Variants in DCUN1D1 observed in about 807,000 individuals in gnomAD.
DCUN1D1 encodes defective in cullin neddylation 1 domain containing 1, also known as DCN1-like protein 1.
Under a neutral mutation model 39.0 loss-of-function variants are expected in DCUN1D1, and 3 were observed. The ratio of observed to expected loss-of-function variants is 0.08; its 90% CI spans 0.04 to 0.20. The LOEUF is 0.20. Among genes scored for constraint, DCUN1D1 ranks in the 10% least tolerant of loss-of-function variants. The pLI, the probability that DCUN1D1 is intolerant of heterozygous loss-of-function variation, is 1.00. For synonymous variants in DCUN1D1, 82 were observed against 96.3 expected, an observed-to-expected ratio of 0.85 and a Z score of 0.87; for missense variants, 158 against 302.4, an observed-to-expected ratio of 0.52 and a Z score of 3.54.
intron 4 of DCUN1D1, among the ~76,000 whole-genome samples, chr3:182,959,077 A>T (rs562364905): frequency 1.5e-3 from 236 of 152,324 alleles, no homozygotes; most frequent in African/African-American, 5.5e-3. Context: ...ACAGATTATT[A>T]TTTGTGGAAG....
chr3:182,965,121 T>A (rs1487641083), intron 2 of DCUN1D1, among the ~76,000 whole-genome samples: 1 of 152,244 alleles, frequency 6.6e-6, no homozygotes, highest in East Asian at 1.9e-4. Flanking sequence ...TCCACAGCAC[T>A]GGTTACTCAG....
chr3:182,950,066 T>C (rs1425419230), intron 4 of DCUN1D1, among the ~76,000 whole-genome samples: 3 of 152,262 alleles, frequency 2.0e-5, no homozygotes, highest in Non-Finnish European at 4.4e-5. Flanking sequence ...GTCTGTTGAT[T>C]TGCTTTCCCC....
chr3:182,941,993 CTTCA>C lies in DCUN1D1; in HGVS notation c.*3097_*3100del. On this transcript the variant is annotated 3_prime_UTR_variant, in exon 7 of 7. Transcript: ENST00000292782. ...TCATCAAATAAAAAATAAATGAACA[CTTCA>C]TTCATTTAAGTCTGAGGAAAAAATA... 1 of 152,124 alleles carries C rather than the reference CTTCA, an allele frequency of 6.6e-6. No individual in the cohort carries two copies. Among genetic ancestry groups the C allele is most frequent in the East Asian group, 1.9e-4 (1 of 5,174 alleles). The allele number at this position is 152,124 out of a possible 1,614,324, so 9.4% of individuals were successfully genotyped here. A position where few individuals can be genotyped will look rare whatever the true frequency, so the allele number is the denominator to read the frequency against.
rs934622339 is a variant in DCUN1D1, at chr3:182,941,281, G to A, written c.*3813C>T. On this transcript the variant is annotated 3_prime_UTR_variant, in exon 7 of 7. Coordinates refer to ENST00000292782, the MANE Select transcript of DCUN1D1 (RefSeq NM_020640.4). ...CTGGAAAAGGGCATTTGTACTATTAGGAACTTTCTCATTTATCTTAACTAC... is the reference window on the plus strand; with the variant it reads ...CTGGAAAAGGGCATTTGTACTATTAAGAACTTTCTCATTTATCTTAACTAC... 1 of 151,996 alleles carries A rather than the reference G, an allele frequency of 6.6e-6. No homozygotes were observed. The highest frequency in any genetic ancestry group is 2.4e-5 in the African/African-American group (1 of 41,402). The allele number at this position is 151,996 out of a possible 1,614,324, so 9.4% of individuals were successfully genotyped here.
At chr3:182,957,775 G>A (rs1263893400) in intron 4 of DCUN1D1, among the ~76,000 whole-genome samples, 2 of 149,872 alleles carry the variant, frequency 1.3e-5, no homozygotes, top group African/African-American at 4.9e-5. Flanking sequence ...AGCTCCACAA[G>A]AAATTAAAAA....
intron 1 of DCUN1D1, among the ~76,000 whole-genome samples, chr3:182,971,504 T>C (rs564481151): frequency 2.7e-5 from 4 of 149,670 alleles, no homozygotes; most frequent in Non-Finnish European, 3.0e-5. Flanking sequence ...GCCCGGGAGA[T>C]AGAGGCTGCA....
chr3:182,965,758 T>C lies in DCUN1D1; in HGVS notation c.4-5A>G, dbSNP rs778263516. On this transcript the variant is annotated splice_polypyrimidine_tract_variant and splice_region_variant and intron_variant, in intron 1 of 6. Transcript: ENST00000292782. ...CTGCGATGATTTCAACTTGTTCTAT[T>C]GAAACCAGAAAATAAACTGAAACTC... The C allele has an allele frequency of 5.0e-6, 8 of 1,598,498 alleles. No individual in the cohort carries two copies. Among genetic ancestry groups the C allele is most frequent in the Non-Finnish European group, 6.0e-6 (7 of 1,168,800 alleles).
intron 1 of DCUN1D1, among the ~76,000 whole-genome samples, chr3:182,970,712 T>A (rs548255698): frequency 6.6e-6 from 1 of 152,246 alleles, no homozygotes; most frequent in Non-Finnish European, 1.5e-5. Context: ...CTGTATGTTG[T>A]TATGTAATTA....
chr3:182,941,348 G>A lies in DCUN1D1; in HGVS notation c.*3746C>T, dbSNP rs1175106040. ...TCCCTCAGAAATCAAAGATAAAGGT[G>A]TCATGATAAATAACTTCACCACAGT... On this transcript the variant is annotated 3_prime_UTR_variant, in exon 7 of 7. Transcript: ENST00000292782. 3 of 151,980 alleles carry A rather than the reference G, an allele frequency of 2.0e-5. No homozygotes were observed. Among genetic ancestry groups the A allele is most frequent in the Non-Finnish European group, 4.4e-5 (3 of 67,960 alleles). 9.4% of individuals were successfully genotyped at this position (151,980 alleles called of 1,614,324 possible). A position where few individuals can be genotyped will look rare whatever the true frequency, so the allele number is the denominator to read the frequency against.
Position 182,941,816 on chromosome 3 carries a change from T to A in DCUN1D1, c.*3278A>T, listed in dbSNP as rs1726145503. 2 of 152,122 alleles carry A rather than the reference T, an allele frequency of 1.3e-5. No individual in the cohort carries two copies. The allele number at this position is 152,122 out of a possible 1,614,324, so 9.4% of individuals were successfully genotyped here. On this transcript the variant is annotated 3_prime_UTR_variant, in exon 7 of 7. Transcript: ENST00000292782. ...GAATTTCCCCAGCACCACTTTTTTA[T>A]TCCAAAACTCCTTCGATTAGGTTTA...
intron 4 of DCUN1D1, among the ~76,000 whole-genome samples, chr3:182,956,988 AG>A (rs1727107452): frequency 1.3e-5 from 2 of 152,260 alleles, no homozygotes; most frequent in South Asian, 4.1e-4. Context: ...TCCTGTAAGA[AG>A]AATAGTTAAA....
At chr3:182,952,849 A>G (rs920231723) in intron 4 of DCUN1D1, among the ~76,000 whole-genome samples, 5 of 152,206 alleles carry the variant, frequency 3.3e-5, no homozygotes, top group Non-Finnish European at 5.9e-5. Flanking sequence ...TTTCTAACTA[A>G]ATCACTGGGA....
intron 4 of DCUN1D1, chr3:182,956,332 CTG>C (rs1034009492): frequency 2.9e-4 from 72 of 247,224 alleles, no homozygotes; most frequent in South Asian, 2.8e-3. Flanking sequence ...TCACCCCTCA[CTG>C]GGAGCAGGCA....
Position 182,938,411 on chromosome 3 carries a change from T to C in DCUN1D1, c.*6683A>G, listed in dbSNP as rs1725987604. 1 of 151,100 alleles carries C rather than the reference T, an allele frequency of 6.6e-6. No individual in the cohort carries two copies. Among genetic ancestry groups the C allele is most frequent in the Admixed American group, 6.6e-5 (1 of 15,194 alleles). 9.4% of individuals were successfully genotyped at this position (151,100 alleles called of 1,614,324 possible). ...AACACTGCTGGGTAGTTATTAACAC[T>C]AACAAACTGTTAACAGTTAAGTCTA... On this transcript the variant is annotated 3_prime_UTR_variant, in exon 7 of 7. Coordinates refer to ENST00000292782, the MANE Select transcript of DCUN1D1 (RefSeq NM_020640.4).
At chr3:182,954,809 A>C in intron 4 of DCUN1D1, among the ~76,000 whole-genome samples, 1 of 152,204 alleles carries the variant, frequency 6.6e-6, no homozygotes, top group East Asian at 1.9e-4. Flanking sequence ...TTTTGAGGCT[A>C]GCAATATAAT....
Position 182,971,710 on chromosome 3 carries a change from A to G in DCUN1D1, c.4-5957T>C, listed in dbSNP as rs1022143884. The stretch of plus-strand genomic sequence containing the variant: ...GTGCTAGGTACTTATTAATCCTGCA[A>G]GATGGTTCCATTTTACCAATGAGGA... On this transcript the variant is annotated intron_variant, in intron 1 of 6. Coordinates refer to ENST00000292782, the MANE Select transcript of DCUN1D1 (RefSeq NM_020640.4). 2.6e-5 allele frequency among the ~76,000 whole-genome samples: 4 copies of G among 152,350 alleles called. 1 individual carries two copies. The highest frequency in any genetic ancestry group is 1.3e-4 in the Admixed American group (2 of 15,300).
intron 1 of DCUN1D1, among the ~76,000 whole-genome samples, chr3:182,966,315 G>C (rs1727665584): frequency 6.6e-6 from 1 of 152,144 alleles, no homozygotes; most frequent in Admixed American, 6.5e-5. Context: ...TTACCAAATA[G>C]GAGAAAGCAA....
rs987860473 is a variant in DCUN1D1 at position 182,941,379 on chromosome 3, G to C, written c.*3715C>G. 6.6e-6 allele frequency: 1 copy of C among 151,886 alleles called. No homozygotes were observed. The highest frequency in any genetic ancestry group is 2.4e-5 in the African/African-American group (1 of 41,376). The allele number at this position is 151,886 out of a possible 1,614,324, so 9.4% of individuals were successfully genotyped here. On this transcript the variant is annotated 3_prime_UTR_variant, in exon 7 of 7. Transcript: ENST00000292782. ...ATAAATAACTTCACCACAGTCCTAT[G>C]AAATAAAAATAGAAATTATTGCTAT...
At chr3:182,975,851 T>TAAAAAAAAAAAA (rs533263687) in intron 1 of DCUN1D1, among the ~76,000 whole-genome samples, 1 of 66,818 alleles carries the variant, frequency 1.5e-5, no homozygotes, top group African/African-American at 6.0e-5. Context: ...CCAGATATGC[T>TAAAAAAAAAAAA]AAAAAAAAAA....
Sources: allele counts gnomAD v4.1 joint callset (sites outside exome capture counted in the v4.1 genomes callset), GRCh38; gene constraint gnomAD v4.1.1; transcripts MANE v1.5; gene names NCBI Gene and HGNC (gene_info 2026-07-23, HGNC 2026-07-21).